The following NKAIN3 variants were observed in gnomAD, a reference collection of about 807,000 sequenced individuals.
The protein encoded by NKAIN3 is sodium/potassium transporting ATPase interacting 3, also known as sodium/potassium-transporting ATPase subunit beta-1-interacting protein 3.
A neutral mutation model predicts 30.2 loss-of-function variants in NKAIN3; 25 were observed. The observed-to-expected ratio is 0.83, with a 90% CI of 0.60 to 1.16. The LOEUF (loss-of-function observed/expected upper bound fraction) is 1.16, where lower values mean the gene tolerates loss of function less well. Among genes scored for constraint, NKAIN3 ranks in the 50% most tolerant of loss-of-function variants. The probability of loss-of-function intolerance (pLI) is 0.00; values close to 1 mark genes in which losing one functional copy is unlikely to be tolerated. For synonymous variants in NKAIN3, 91 were observed against 89.6 expected (o/e 1.02, Z -0.09); for missense variants, 225 against 254.1 (o/e 0.89, Z 0.78).
intron 4 of NKAIN3, among the ~76,000 whole-genome samples, chr8:62,865,605 G>C (rs1260456847): frequency 6.6e-6 from 1 of 151,982 alleles, no homozygotes; most frequent in Non-Finnish European, 1.5e-5. Flanking sequence ...TTTTTAATGA[G>C]AAATACTTTC....
chr8:62,617,100 A>T (rs1438611943), intron 3 of NKAIN3, among the ~76,000 whole-genome samples: 1 of 152,106 alleles, frequency 6.6e-6, no homozygotes, highest in Non-Finnish European at 1.5e-5. Context: ...TTCTGTCATG[A>T]GTAAAAGCTC....
intron 4 of NKAIN3, among the ~76,000 whole-genome samples, chr8:62,853,017 T>A (rs1373086354): frequency 6.6e-6 from 1 of 152,176 alleles, no homozygotes; most frequent in East Asian, 1.9e-4. Flanking sequence ...CTTGTTAACA[T>A]TCTGTCTTGT....
chr8:62,857,367 A>G (rs1158994744), intron 4 of NKAIN3, among the ~76,000 whole-genome samples: 1 of 152,094 alleles, frequency 6.6e-6, no homozygotes, highest in Non-Finnish European at 1.5e-5. Flanking sequence ...AGTTCTCTGC[A>G]TTTCCTGAAT....
chr8:62,273,047 A>G (rs1344617288), intron 1 of NKAIN3, among the ~76,000 whole-genome samples: 2 of 152,190 alleles, frequency 1.3e-5, no homozygotes, highest in African/African-American at 4.8e-5. Context: ...GTAGCCATGG[A>G]CAATACAGAA....
At chr8:62,817,790 C>G (rs1427035269) in intron 4 of NKAIN3, among the ~76,000 whole-genome samples, 1 of 152,116 alleles carries the variant, frequency 6.6e-6, no homozygotes, top group Non-Finnish European at 1.5e-5. Context: ...AAGCACTATC[C>G]ACATTTCTCT....
chr8:62,438,823 A>T (rs1805242227), intron 1 of NKAIN3, among the ~76,000 whole-genome samples: 1 of 152,124 alleles, frequency 6.6e-6, no homozygotes, highest in East Asian at 1.9e-4. Context: ...TTGGCCTCCC[A>T]GAGTGTTGGG....
chr8:62,465,059 C>T (rs1172442883), intron 1 of NKAIN3, among the ~76,000 whole-genome samples: 1 of 152,108 alleles, frequency 6.6e-6, no homozygotes, highest in Non-Finnish European at 1.5e-5. Flanking sequence ...ATTTCCAACT[C>T]TCAAATGGAA....
intron 3 of NKAIN3, among the ~76,000 whole-genome samples, chr8:62,714,272 A>G (rs1814818375): frequency 6.6e-6 from 1 of 152,064 alleles, no homozygotes; most frequent in African/African-American, 2.4e-5. Flanking sequence ...GATATTTTTA[A>G]AAAGTAAAAT....
At position 62,871,173 on chromosome 8, in the gene NKAIN3, G is replaced by A. The variant is rs987052946; in HGVS notation, c.472-47280G>A. The stretch of plus-strand genomic sequence containing the variant: ...CCCAGCACTTTGGGAGGCCAAAGTG[G>A]GTGGATCACCTGAGGTCAAGAGTTT... On this transcript the variant is annotated intron_variant, in intron 4 of 6. Transcript: ENST00000623646. Among the ~76,000 whole-genome samples the A allele has an allele frequency of 1.9e-4, 29 of 151,942 alleles. 1 individual carries two copies. The highest frequency in any genetic ancestry group is 1.5e-5 in the Non-Finnish European group (1 of 67,972).
chr8:62,817,454 G>C (rs533733725), intron 4 of NKAIN3, among the ~76,000 whole-genome samples: 1 of 151,998 alleles, frequency 6.6e-6, no homozygotes, highest in East Asian at 1.9e-4. Context: ...CCTTCTTCTG[G>C]TCTGGCATTC....
intron 4 of NKAIN3, among the ~76,000 whole-genome samples, chr8:62,807,427 C>T (rs1297662465): frequency 2.6e-5 from 4 of 152,042 alleles, no homozygotes; most frequent in African/African-American, 4.8e-5. Context: ...ATTTTTCACT[C>T]ATTATCAGTT....
At chr8:62,938,252 C>T (rs1045228329) in intron 5 of NKAIN3, among the ~76,000 whole-genome samples, 2 of 152,040 alleles carry the variant, frequency 1.3e-5, no homozygotes. Context: ...ACAGCTGATG[C>T]CGTCTTGAAA....
intron 4 of NKAIN3, among the ~76,000 whole-genome samples, chr8:62,760,505 T>C (rs1389032138): frequency 6.6e-6 from 1 of 151,914 alleles, no homozygotes; most frequent in Admixed American, 6.6e-5. Flanking sequence ...AAACCATCAT[T>C]CTCAGCAAAC....
intron 1 of NKAIN3, among the ~76,000 whole-genome samples, chr8:62,284,707 C>A (rs1813315733): frequency 6.6e-6 from 1 of 152,020 alleles, no homozygotes. Flanking sequence ...CATTCAAGAT[C>A]CAGCAGTAAC....
chr8:62,459,123 C>A (rs574954796), intron 1 of NKAIN3, among the ~76,000 whole-genome samples: 7 of 151,612 alleles, frequency 4.6e-5, no homozygotes, highest in Admixed American at 4.6e-4. Context: ...CCTCTGTCCT[C>A]AGCAGTGCTT....
At chr8:62,330,441 T>A (rs1815304861) in intron 1 of NKAIN3, among the ~76,000 whole-genome samples, 1 of 151,896 alleles carries the variant, frequency 6.6e-6, no homozygotes, top group African/African-American at 2.4e-5. Flanking sequence ...GGAGTTGAGT[T>A]TGAGGCATGT....
At chr8:62,281,850 C>G (rs575747227) in intron 1 of NKAIN3, among the ~76,000 whole-genome samples, 143 of 152,208 alleles carry the variant, frequency 9.4e-4, no homozygotes, top group South Asian at 6.6e-3. Context: ...AAATTGAATA[C>G]AGGAAGCCCA....
intron 1 of NKAIN3, among the ~76,000 whole-genome samples, chr8:62,502,746 A>G (rs549700334): frequency 2.0e-5 from 3 of 152,286 alleles, no homozygotes; most frequent in Non-Finnish European, 4.4e-5. Context: ...CCACATTTAC[A>G]TATGTAGCAG....
intron 1 of NKAIN3, among the ~76,000 whole-genome samples, chr8:62,359,448 G>A (rs937116563): frequency 1.3e-5 from 2 of 152,146 alleles, no homozygotes; most frequent in African/African-American, 4.8e-5. Context: ...TGATACACAG[G>A]CTAACCTGAG....
Sources: gnomAD v4.1 joint callset for allele counts (sites outside exome capture counted in the v4.1 genomes callset) on GRCh38, gnomAD v4.1.1 for gene constraint, MANE v1.5 for transcripts, NCBI Gene and HGNC (gene_info 2026-07-23, HGNC 2026-07-21) for gene names.